The following COG5 variants were observed in gnomAD, a reference collection of about 807,000 sequenced individuals.
The protein encoded by COG5 is component of oligomeric golgi complex 5.
A neutral mutation model predicts 110.4 loss-of-function variants in COG5; 86 were observed. That is an observed-to-expected ratio of 0.78 (90% CI 0.65 to 0.93). The LOEUF (loss-of-function observed/expected upper bound fraction) is 0.93. COG5 is among the 40% of genes least tolerant of loss of function. The probability of loss-of-function intolerance (pLI) is 0.00; values close to 1 mark genes in which losing one functional copy is unlikely to be tolerated. For missense variants in COG5, 1,077 were observed against 987.0 expected, an observed-to-expected ratio of 1.09 and a Z score of -1.22; for synonymous variants, 360 against 334.6, an observed-to-expected ratio of 1.08 and a Z score of -0.83.
At chr7:107,341,109 A>G (rs1257797564) in intron 10 of COG5, among the ~76,000 whole-genome samples, 2 of 152,094 alleles carry the variant, frequency 1.3e-5, no homozygotes, top group Admixed American at 1.3e-4. Flanking sequence ...TGACAATATA[A>G]TCCTGTAACT....
At chr7:107,439,110 G>GT (rs1794550845) in intron 6 of COG5, among the ~76,000 whole-genome samples, 1 of 151,918 alleles carries the variant, frequency 6.6e-6, no homozygotes, top group Admixed American at 6.6e-5. Flanking sequence ...GATCATTACC[G>GT]TAAGGCCAAC....
intron 6 of COG5, among the ~76,000 whole-genome samples, chr7:107,509,175 GAATAACC>G (rs1217967154): frequency 6.6e-6 from 1 of 152,148 alleles, no homozygotes; most frequent in Admixed American, 6.5e-5. Context: ...TGGCTAACTA[GAATAACC>G]AATGCAGAGA....
chr7:107,234,038 AT>A (rs1800969387), intron 18 of COG5, among the ~76,000 whole-genome samples: 1 of 152,242 alleles, frequency 6.6e-6, no homozygotes, highest in Non-Finnish European at 1.5e-5. Context: ...ATGATTAATT[AT>A]GATAGTGCCT....
intron 20 of COG5, 115 bp from the exon 21 acceptor site, chr7:107,210,720 C>G: frequency 1.7e-6 from 2 of 1,163,174 alleles, no homozygotes; most frequent in Non-Finnish European, 2.5e-6. Flanking sequence ...GCCCCAAAAC[C>G]TGTCCAAGGG....
chr7:107,269,177 A>G (rs1300544903), intron 14 of COG5, among the ~76,000 whole-genome samples: 1 of 152,080 alleles, frequency 6.6e-6, no homozygotes. Context: ...TAAATTGTTA[A>G]TATTATATTC....
chr7:107,279,859 C>G (rs918065255), intron 14 of COG5, among the ~76,000 whole-genome samples: 1 of 152,138 alleles, frequency 6.6e-6, no homozygotes, highest in African/African-American at 2.4e-5. Context: ...CAGCCACTGA[C>G]AATTTGATCA....
intron 6 of COG5, among the ~76,000 whole-genome samples, chr7:107,432,152 A>G (rs1465007576): frequency 6.6e-6 from 1 of 152,120 alleles, no homozygotes; most frequent in Non-Finnish European, 1.5e-5. Flanking sequence ...TCTTATTTTG[A>G]CCATATCCTA....
chr7:107,421,765 C>CAA lies in COG5; in HGVS notation c.539-9135_539-9134dup, dbSNP rs202025992. Among the ~76,000 whole-genome samples the CAA allele has an allele frequency of 9.2e-4, 111 of 120,352 alleles. 1 individual carries two copies. The highest frequency in any genetic ancestry group is 2.7e-3 in the African/African-American group (94 of 34,864). 79.0% of individuals were successfully genotyped at this position (120,352 alleles called of 152,430 possible). On this transcript the variant is annotated intron_variant, in intron 6 of 21. Transcript: ENST00000297135. ...TGGGAGACAGAAGGAGACTCCGTCTCAAAAAAAAAAAAAAATTGTTCTTTG... is the reference window on the plus strand; with the variant it reads ...TGGGAGACAGAAGGAGACTCCGTCTCAAAAAAAAAAAAAAAAATTGTTCTTTG...
intron 6 of COG5, among the ~76,000 whole-genome samples, chr7:107,512,522 T>C (rs1478618648): frequency 6.6e-6 from 1 of 152,206 alleles, no homozygotes; most frequent in East Asian, 1.9e-4. Context: ...CCAATGACTT[T>C]CTTCACAGAA....
intron 1 of COG5, among the ~76,000 whole-genome samples, chr7:107,560,227 C>T (rs951426035): frequency 2.0e-5 from 3 of 152,138 alleles, no homozygotes; most frequent in African/African-American, 7.2e-5. Context: ...CTACAAAAAT[C>T]AGGGCTTTTT....
At chr7:107,457,476 G>T (rs1057106977) in intron 6 of COG5, among the ~76,000 whole-genome samples, 2 of 151,952 alleles carry the variant, frequency 1.3e-5, no homozygotes, top group African/African-American at 4.8e-5. Context: ...CGCCCAGGCT[G>T]GAGTGCAAGT....
chr7:107,360,145 C>T (rs559702797), intron 10 of COG5, among the ~76,000 whole-genome samples: 254 of 152,328 alleles, frequency 1.7e-3, no homozygotes, highest in Non-Finnish European at 2.6e-3. Context: ...GGGACCTACC[C>T]ACTTCAGATC....
At chr7:107,316,537 G>A (rs906392800) in intron 11 of COG5, among the ~76,000 whole-genome samples, 4 of 152,016 alleles carry the variant, frequency 2.6e-5, no homozygotes, top group South Asian at 2.1e-4. Flanking sequence ...AAGCAGGCAG[G>A]GCGTGGTGGC....
At chr7:107,277,444 C>G (rs1804785783) in intron 14 of COG5, among the ~76,000 whole-genome samples, 1 of 151,992 alleles carries the variant, frequency 6.6e-6, no homozygotes, top group Non-Finnish European at 1.5e-5. Flanking sequence ...CTAAAAAAAA[C>G]AAGAGAACAA....
intron 11 of COG5, among the ~76,000 whole-genome samples, chr7:107,301,455 A>G (rs1807260815): frequency 6.6e-6 from 1 of 152,220 alleles, no homozygotes; most frequent in Admixed American, 6.5e-5. Flanking sequence ...CAAAGAAGGT[A>G]TATGAATGGC....
chr7:107,250,860 A>C (rs913228136), intron 16 of COG5, among the ~76,000 whole-genome samples: 1 of 152,068 alleles, frequency 6.6e-6, no homozygotes, highest in Non-Finnish European at 1.5e-5. Context: ...AATACTAAAA[A>C]ATAATTAAAC....
In COG5 at chr7:107,203,475, T is replaced by G; in HGVS notation, c.*41A>C. 1 of 1,341,956 alleles carries G rather than the reference T, an allele frequency of 7.5e-7. No individual in the cohort carries two copies. Among genetic ancestry groups the G allele is most frequent in the Non-Finnish European group, 1.1e-6 (1 of 931,978 alleles). The allele number at this position is 1,341,956 out of a possible 1,614,324, so 83.1% of individuals were successfully genotyped here. ...TATGTGTTTAACTGCCAACTATGAA[T>G]GGGTTAGCACAAAGTGGAGATGAAC... is the stretch of plus-strand genomic sequence containing the variant. On this transcript the variant is annotated 3_prime_UTR_variant, in exon 22 of 22. Transcript: ENST00000297135.
intron 6 of COG5, among the ~76,000 whole-genome samples, chr7:107,415,270 G>A (rs984636584): frequency 6.6e-6 from 1 of 152,076 alleles, no homozygotes. Flanking sequence ...AGTCAAAGAA[G>A]TTAAAAATTA....
At chr7:107,561,854 T>C (rs1445055126) in intron 1 of COG5, among the ~76,000 whole-genome samples, 4 of 152,162 alleles carry the variant, frequency 2.6e-5, no homozygotes, top group African/African-American at 9.7e-5. Context: ...TGGGCGCTTG[T>C]AGTCCCAGCT....
Sources: allele counts gnomAD v4.1 joint callset (sites outside exome capture counted in the v4.1 genomes callset), GRCh38; gene constraint gnomAD v4.1.1; transcripts MANE v1.5; gene names NCBI Gene and HGNC (gene_info 2026-07-23, HGNC 2026-07-21).